Variants in DOK1 observed in about 807,000 individuals in gnomAD.
DOK1 encodes docking protein 1.
Under a neutral mutation model 24.0 loss-of-function variants are expected in DOK1, and 12 were observed. The observed-to-expected ratio is 0.50, with a 90% CI of 0.32 to 0.81. The LOEUF is 0.81. Ranked by LOEUF, DOK1 falls within the 30% of genes least tolerant of loss-of-function variation. The pLI, the probability that DOK1 is intolerant of heterozygous loss-of-function variation, is 0.03. For missense variants in DOK1, 591 were observed against 620.7 expected (o/e 0.95, Z 0.51); for synonymous variants, 250 against 260.9 (o/e 0.96, Z 0.40).
chr2:74,552,543 G>C, upstream of DOK1: 2 of 1,612,574 alleles, frequency 1.2e-6, no homozygotes, highest in Non-Finnish European at 1.7e-6. Context: ...CTCAGGGCCC[G>C]TGGAAGGGGA....
At chr2:74,552,600 C>G (rs1271103629), upstream of DOK1, 1 of 1,587,742 alleles carries the variant, frequency 6.3e-7, no homozygotes. Context: ...CAGCAGCCCC[C>G]AGGGGCTCCA....
chr2:74,552,803 C>T, upstream of DOK1: 1 of 653,150 alleles, frequency 1.5e-6, no homozygotes, highest in Non-Finnish European at 2.6e-6. Flanking sequence ...GACCAAGAGA[C>T]AGGGAGAGAA....
chr2:74,556,505 G>A lies in DOK1; in HGVS notation c.837G>A (p.Leu279=), dbSNP rs1434738213. The change falls in exon 5 of 5, where the codon TTG becomes TTA. Residue 279 remains leucine, a synonymous_variant. Transcript: ENST00000233668. The surrounding 1 kb of genome is among the most constrained non-coding windows in gnomAD (Gnocchi z 4.1). ...AAGGGGAGGTGGCAGAGGGGAAGTT[G>A]CCTTCCCCACCTGGCCCCCAAGAGC... The part of the protein sequence containing the change: ...SHEGEVAEGK[L]PSPPGPQELL... 6.2e-7 allele frequency: 1 copy of A among 1,614,110 alleles called. No homozygotes were observed. Among genetic ancestry groups the A allele is most frequent in the South Asian group, 1.1e-5 (1 of 91,080 alleles).
At chr2:74,553,437 C>T (rs985251609), upstream of DOK1, among the ~76,000 whole-genome samples, 13 of 152,196 alleles carry the variant, frequency 8.5e-5, no homozygotes, top group African/African-American at 3.1e-4. Context: ...GTAGGGTTGT[C>T]CCAGCCTCCT....
chr2:74,552,306 C>T (rs747577033), upstream of DOK1: 3 of 1,587,888 alleles, frequency 1.9e-6, no homozygotes, highest in Non-Finnish European at 2.6e-6. Context: ...TAGGATATGC[C>T]TGGATCATTG....
In DOK1 at chr2:74,556,418, C is replaced by T. The variant is rs368262971; in HGVS notation, c.750C>T (p.His250=). The change falls in exon 5 of 5, where the codon CAC becomes CAT. Residue 250 remains histidine (H), a synonymous_variant. Coordinates refer to ENST00000233668, the MANE Select transcript of DOK1 (RefSeq NM_001381.5). The surrounding 1 kb of genome is among the most constrained non-coding windows in gnomAD (Gnocchi z 4.1). The part of the protein sequence containing the change: ...DIFQAVETAI[H]RQKAQGKAGQ... ...TCCAGGCAGTTGAGACTGCCATCCA[C>T]CGGCAGAAGGCCCAGGGAAAGGCCG... is the stretch of plus-strand genomic sequence containing the variant. The T allele has an allele frequency of 5.0e-6, 8 of 1,614,040 alleles. No homozygotes were observed. The highest frequency in any genetic ancestry group is 5.9e-6 in the Non-Finnish European group (7 of 1,180,052).
upstream of DOK1, chr2:74,552,432 G>A (rs1045315730): frequency 8.1e-6 from 13 of 1,613,926 alleles, no homozygotes; most frequent in Non-Finnish European, 1.1e-5. Context: ...ATCGCAGATG[G>A]TGCCCCATTC....
chr2:74,556,883 C>T lies in DOK1; in HGVS notation c.1215C>T (p.Ala405=). ...EEGYELPYNP[A]TDDYAVPPPR... is the part of the protein sequence containing the mutation. Reference sequence around the variant, plus strand: ...GCTATGAGCTCCCCTACAACCCTGCCACTGATGACTACGCTGTGCCACCCC... The same window carrying T: ...GCTATGAGCTCCCCTACAACCCTGCTACTGATGACTACGCTGTGCCACCCC... Residue 405 remains alanine (A), a synonymous_variant, in exon 5 of 5, where the codon GCC becomes GCT. Coordinates refer to ENST00000233668, the MANE Select transcript of DOK1 (RefSeq NM_001381.5). This position sits in a 1 kb window ranked among gnomAD's most constrained non-coding sequence, Gnocchi z 4.1. 6.2e-7 allele frequency: 1 copy of T among 1,614,168 alleles called. No homozygotes were observed.
rs1423652271 is a variant in DOK1 at position 74,557,052 on chromosome 2, G to C, written c.1384G>C (p.Asp462His). 1.2e-6 allele frequency: 2 copies of C among 1,613,822 alleles called. No individual in the cohort carries two copies. Among genetic ancestry groups the C allele is most frequent in the Non-Finnish European group, 1.7e-6 (2 of 1,179,958 alleles). ...VQKSGASGSW[D>H]CGLSRVGTDK... Reference sequence around the variant, plus strand: ...GAAGAGCGGGGCCTCAGGGAGCTGGGACTGTGGGCTCTCTAGAGTAGGGAC... The same window carrying C: ...GAAGAGCGGGGCCTCAGGGAGCTGGCACTGTGGGCTCTCTAGAGTAGGGAC... The change falls in exon 5 of 5, where the codon GAC (aspartate) becomes CAC (histidine). Residue 462 changes from aspartate (D) to histidine (H), a missense_variant. Transcript: ENST00000233668.
Position 74,555,139 on chromosome 2 carries a change from T to C in DOK1, c.61-15T>C, listed in dbSNP as rs182270753. 1.7e-5 allele frequency: 28 copies of C among 1,601,878 alleles called. No individual in the cohort carries two copies. In the Middle Eastern group the frequency reaches 1.1e-3, roughly 65 times the overall value. ...GCACGCCACTCCCTCTCGAGCACTCTCTCTCTCTCCCTAGAGGTGGAGGAA... is the reference window on the plus strand; with the variant it reads ...GCACGCCACTCCCTCTCGAGCACTCCCTCTCTCTCCCTAGAGGTGGAGGAA... On this transcript the variant is annotated splice_polypyrimidine_tract_variant and intron_variant, in intron 1 of 4. Transcript: ENST00000233668. This position sits in a 1 kb window ranked among gnomAD's most constrained non-coding sequence, Gnocchi z 6.1.
chr2:74,549,729 G>A, upstream of DOK1: 1 of 1,442,920 alleles, frequency 6.9e-7, no homozygotes, highest in Non-Finnish European at 9.1e-7. This position sits in a 1 kb window ranked among gnomAD's most constrained non-coding sequence, Gnocchi z 5.3. Flanking sequence ...GGCCACGATG[G>A]CCGCAGTCCG....
chr2:74,549,748 ACT>A (rs1362234898), upstream of DOK1: 1 of 1,437,424 alleles, frequency 7.0e-7, no homozygotes, highest in African/African-American at 1.4e-5. This position sits in a 1 kb window ranked among gnomAD's most constrained non-coding sequence, Gnocchi z 5.3. Context: ...CGCGGTGTGG[ACT>A]CTCTTGCAGC....
upstream of DOK1, chr2:74,552,546 G>A: frequency 6.2e-7 from 1 of 1,612,376 alleles, no homozygotes; most frequent in Non-Finnish European, 8.5e-7. Context: ...AGGGCCCGTG[G>A]AAGGGGACGG....
chr2:74,555,610 A>C lies in DOK1; in HGVS notation c.396A>C (p.Pro132=). The C allele has an allele frequency of 1.9e-6, 3 of 1,613,932 alleles. No individual in the cohort carries two copies. Among genetic ancestry groups the C allele is most frequent in the Non-Finnish European group, 2.5e-6 (3 of 1,179,972 alleles). The part of the protein sequence containing the change: ...GSWTLAPTDN[P]PKLSALEMLE... ...GGACTCTGGCGCCTACCGATAACCC[A>C]CCTAAGCTTTCTGCCCTGGAGATGC... is the stretch of plus-strand genomic sequence containing the variant. Residue 132 remains proline (P), a synonymous_variant, in exon 3 of 5, where the codon CCA becomes CCC. Coordinates refer to ENST00000233668, the MANE Select transcript of DOK1 (RefSeq NM_001381.5). The surrounding 1 kb of genome is among the most constrained non-coding windows in gnomAD (Gnocchi z 6.1).
chr2:74,549,630 C>T lies in DOK1; in HGVS notation c.-358+458C>T, dbSNP rs1573025876. 1.3e-6 allele frequency: 2 copies of T among 1,561,778 alleles called. No homozygotes were observed. The highest frequency in any genetic ancestry group is 2.7e-5 in the African/African-American group (2 of 74,098). On this transcript the variant is annotated intron_variant, in intron 1 of 4. Coordinates refer to the DOK1 transcript ENST00000409429. This position sits in a 1 kb window ranked among gnomAD's most constrained non-coding sequence, Gnocchi z 5.3. ...GGGAAAGAATCCCAGTGGCACCTTT[C>T]ATGTGTCCCGCCGCCCTTAAGGAAC...
chr2:74,552,480 T>C (rs954633340), upstream of DOK1: 24 of 1,613,480 alleles, frequency 1.5e-5, no homozygotes, highest in African/African-American at 3.1e-4. Context: ...CTCGTAGGGC[T>C]TCCTGGGGAA....
At chr2:74,550,352 T>G, upstream of DOK1, 1 of 1,611,864 alleles carries the variant, frequency 6.2e-7, no homozygotes, top group Non-Finnish European at 8.5e-7. Context: ...ATGCGGCCTG[T>G]GGAAGGGGAG....
chr2:74,557,227 T>G lies in DOK1; in HGVS notation c.*113T>G. The stretch of plus-strand genomic sequence containing the variant: ...AGAGGGTGGGAGGGGCCATGCTGTG[T>G]GAGACCAGGGGACCAGAGGGATGGG... On this transcript the variant is annotated 3_prime_UTR_variant, in exon 5 of 5. Coordinates refer to ENST00000233668, the MANE Select transcript of DOK1 (RefSeq NM_001381.5). 1 of 1,112,828 alleles carries G rather than the reference T, an allele frequency of 9.0e-7. No homozygotes were observed. The highest frequency in any genetic ancestry group is 1.3e-6 in the Non-Finnish European group (1 of 793,730). 68.9% of individuals were successfully genotyped at this position (1,112,828 alleles called of 1,614,324 possible).
upstream of DOK1, chr2:74,554,692 C>CCCCGCCTCCAGCCCCGCCT: frequency 6.5e-7 from 1 of 1,546,300 alleles, no homozygotes; most frequent in Non-Finnish European, 8.8e-7. This position sits in a 1 kb window ranked among gnomAD's most constrained non-coding sequence, Gnocchi z 4.9. Flanking sequence ...GGGAACCCGG[C>CCCCGCCTCCAGCCCCGCCT]CCCGCCTCCC....
Sources: gnomAD v4.1 joint callset for allele counts (sites outside exome capture counted in the v4.1 genomes callset) on GRCh38, gnomAD v4.1.1 for gene constraint, Gnocchi (gnomAD v3.1) non-coding constraint, MANE v1.5 for transcripts, NCBI Gene and HGNC (gene_info 2026-07-23, HGNC 2026-07-21) for gene names.